DAB1: variants seen among roughly 807,000 people sequenced by gnomAD.
The protein encoded by DAB1 is DAB adaptor protein 1, also known as disabled homolog 1.
In DAB1, 15 loss-of-function variants were observed where a neutral mutation model predicts 64.6. The ratio of observed to expected loss-of-function variants is 0.23; its 90% CI spans 0.16 to 0.36. DAB1 has a LOEUF of 0.36. Ranked by LOEUF, DAB1 falls within the 10% of genes least tolerant of loss-of-function variation. DAB1 has a pLI of 1.00. For synonymous variants in DAB1, 235 were observed against 251.9 expected (o/e 0.93, Z 0.64); for missense variants, 596 against 706.7 (o/e 0.84, Z 1.78).
rs901377021 is a variant in DAB1, at chr1:57,508,263, C to T, written n.625+141329G>A. 2.6e-5 allele frequency among the ~76,000 whole-genome samples: 4 copies of T among 152,280 alleles called. No individual in the cohort carries two copies. The East Asian group carries it at 7.7e-4, about 29-fold the overall frequency. ...ATTTCCATCTCTCAAAATTCCACCCCTCTACATGAATGAATGCCTGATGAG... is the reference window on the plus strand; with the variant it reads ...ATTTCCATCTCTCAAAATTCCACCCTTCTACATGAATGAATGCCTGATGAG... On this transcript the variant is annotated intron_variant and non_coding_transcript_variant, in intron 7 of 20. Coordinates refer to the DAB1 transcript ENST00000485760.
chr1:57,187,649 C>A (rs968213965), intron 2 of DAB1, among the ~76,000 whole-genome samples: 2 of 152,208 alleles, frequency 1.3e-5, no homozygotes, highest in African/African-American at 4.8e-5. Flanking sequence ...ATACATGACA[C>A]TTTTATATAA....
chr1:57,034,297 G>C (rs556886789), intron 9 of DAB1, among the ~76,000 whole-genome samples: 18 of 89,696 alleles, frequency 2.0e-4, no homozygotes, highest in South Asian at 1.2e-3. Context: ...AAAAAGAAAT[G>C]CTCCTCCCCT....
At chr1:57,671,774 C>T (rs1646512850) in intron 6 of DAB1, among the ~76,000 whole-genome samples, 2 of 152,040 alleles carry the variant, frequency 1.3e-5, no homozygotes, top group Admixed American at 1.3e-4. Context: ...GTACAGCCTT[C>T]CCTAGAATCT....
At chr1:57,817,052 T>G (rs968001650) in intron 6 of DAB1, among the ~76,000 whole-genome samples, 3 of 152,258 alleles carry the variant, frequency 2.0e-5, no homozygotes, top group African/African-American at 7.2e-5. Context: ...TACCTGAATT[T>G]CTCTCTAGTC....
chr1:57,931,047 G>GT (rs1644946047), intron 5 of DAB1, among the ~76,000 whole-genome samples: 1 of 152,118 alleles, frequency 6.6e-6, no homozygotes, highest in South Asian at 2.1e-4. Context: ...GTAGCTGACA[G>GT]TTTTTATCCT....
chr1:58,189,636 A>C (rs1351530954), intron 4 of DAB1, among the ~76,000 whole-genome samples: 1 of 152,234 alleles, frequency 6.6e-6, no homozygotes, highest in Non-Finnish European at 1.5e-5. Context: ...AAAGCAGGCA[A>C]ACTGACAGCA....
At chr1:57,193,893 G>A (rs1664389502) in intron 2 of DAB1, among the ~76,000 whole-genome samples, 1 of 152,242 alleles carries the variant, frequency 6.6e-6, no homozygotes, top group South Asian at 2.1e-4. Context: ...CCTTAGCCAA[G>A]TTACTTAACC....
intron 4 of DAB1, among the ~76,000 whole-genome samples, chr1:57,080,941 G>T (rs1652466234): frequency 6.6e-6 from 1 of 152,096 alleles, no homozygotes; most frequent in African/African-American, 2.4e-5. Context: ...AAGCCCTTAG[G>T]TGCTAAGGTG....
At chr1:57,960,521 A>C (rs1482999626) in intron 5 of DAB1, among the ~76,000 whole-genome samples, 1 of 151,596 alleles carries the variant, frequency 6.6e-6, no homozygotes, top group Non-Finnish European at 1.5e-5. Flanking sequence ...AATCTATGTG[A>C]GTGTTAAATA....
In DAB1 at chr1:58,256,821, C is replaced by G. The variant is rs138142119; in HGVS notation, n.309+86531G>C. Among the ~76,000 whole-genome samples, 565 of 152,246 alleles carry G rather than the reference C, an allele frequency of 3.7e-3. 1 individual carries two copies. The highest frequency in any genetic ancestry group is 0.013 in the African/African-American group (538 of 41,544). On this transcript the variant is annotated intron_variant and non_coding_transcript_variant, in intron 4 of 20. Transcript: ENST00000485760. Reference sequence around the variant, plus strand: ...TGATGTATAAGTGCATGATCAAGAACCCATACAGGATTTCTGATTCCAAGT... The same window carrying G: ...TGATGTATAAGTGCATGATCAAGAAGCCATACAGGATTTCTGATTCCAAGT...
At chr1:57,669,079 C>T (rs914834025) in intron 6 of DAB1, among the ~76,000 whole-genome samples, 30 of 151,950 alleles carry the variant, frequency 2.0e-4, no homozygotes, top group Admixed American at 3.3e-4. Flanking sequence ...TCCTTACACC[C>T]GATCCTGGGG....
exon 3 of DAB1, chr1:58,506,183 T>C (rs1042505858): frequency 3.4e-6 from 3 of 871,948 alleles, no homozygotes; most frequent in Non-Finnish European, 6.0e-6. Flanking sequence ...GCCAAAACAC[T>C]GAACTGGCTC....
At chr1:57,127,771 G>A (rs566759357) in intron 4 of DAB1, among the ~76,000 whole-genome samples, 1 of 152,178 alleles carries the variant, frequency 6.6e-6, no homozygotes. Flanking sequence ...TAGTTGTATT[G>A]TAATAATTCA....
intron 5 of DAB1, among the ~76,000 whole-genome samples, chr1:57,929,150 T>C (rs908420995): frequency 6.6e-6 from 1 of 152,236 alleles, no homozygotes; most frequent in Non-Finnish European, 1.5e-5. Context: ...TGTGCAGTGG[T>C]ATCTCATTGT....
chr1:58,048,877 A>ATG, intron 5 of DAB1: 1 of 933,310 alleles, frequency 1.1e-6, no homozygotes, highest in Non-Finnish European at 1.7e-6. Context: ...CCACTGCCTC[A>ATG]GTCAGTCATG....
In DAB1 at chr1:58,455,855, C is replaced by T. The variant is rs966807968; in HGVS notation, n.257+50205G>A. On this transcript the variant is annotated intron_variant and non_coding_transcript_variant, in intron 3 of 20. Coordinates refer to the DAB1 transcript ENST00000485760. Reference sequence around the variant, plus strand: ...TTCCTCTCCCTCTATAAGCATCTCTCGCAGAGCTGTGAGGTCAATCAGATC... The same window carrying T: ...TTCCTCTCCCTCTATAAGCATCTCTTGCAGAGCTGTGAGGTCAATCAGATC... Among the ~76,000 whole-genome samples, 3 of 152,190 alleles carry T rather than the reference C, an allele frequency of 2.0e-5. No individual in the cohort carries two copies. In the South Asian group the frequency reaches 6.2e-4, roughly 32 times the overall value.
At chr1:57,422,629 TC>T (rs1323088740) in intron 1 of DAB1, among the ~76,000 whole-genome samples, 1 of 151,670 alleles carries the variant, frequency 6.6e-6, no homozygotes, top group East Asian at 1.9e-4. Context: ...GCCCCCGGCC[TC>T]CCCACCCCCA....
chr1:57,577,744 A>C (rs1404388), intron 7 of DAB1, among the ~76,000 whole-genome samples: 133,248 of 152,122 alleles, frequency 0.88, 60,015 homozygotes, highest in East Asian at 1. Flanking sequence ...CAAATTTCTG[A>C]GGGCAGACTC....
intron 5 of DAB1, among the ~76,000 whole-genome samples, chr1:58,049,653 T>C (rs1009959426): frequency 3.9e-5 from 6 of 152,216 alleles, no homozygotes; most frequent in African/African-American, 1.4e-4. Context: ...ACTATGTTAT[T>C]TGCTATATGA....
Sources: gnomAD v4.1 joint callset for allele counts (sites outside exome capture counted in the v4.1 genomes callset) on GRCh38, gnomAD v4.1.1 for gene constraint, MANE v1.5 for transcripts, NCBI Gene and HGNC (gene_info 2026-07-23, HGNC 2026-07-21) for gene names.